IQUB: variants seen among roughly 807,000 people sequenced by gnomAD.
IQUB encodes the protein IQ motif and ubiquitin domain containing.
In IQUB, 86 loss-of-function variants were observed where a neutral mutation model predicts 86.4. The observed-to-expected ratio is 1.00, with a 90% CI of 0.84 to 1.19. The LOEUF is 1.19. IQUB is among the 50% of genes most tolerant of loss of function. The probability of loss-of-function intolerance (pLI) is 0.00; values close to 1 mark genes in which losing one functional copy is unlikely to be tolerated. For synonymous variants in IQUB, 289 were observed against 304.5 expected, an observed-to-expected ratio of 0.95 and a Z score of 0.53; for missense variants, 946 against 916.9, an observed-to-expected ratio of 1.03 and a Z score of -0.41.
In IQUB at chr7:123,464,930, T is replaced by A; in HGVS notation, c.1661A>T (p.His554Leu). Residue 554 changes from histidine to leucine, a missense_variant, in exon 10 of 13, where the codon CAT (histidine) becomes CTT (leucine). His to Leu is a moderately conservative substitution (Grantham distance 99). Coordinates refer to ENST00000324698, the MANE Select transcript of IQUB (RefSeq NM_178827.5). Reference sequence around the variant, plus strand: ...TTTTCTGAGTCCTTCAAGGTTATGATGTTTGACTCCTCTCATCATAAGGTC... The same window carrying A: ...TTTTCTGAGTCCTTCAAGGTTATGAAGTTTGACTCCTCTCATCATAAGGTC... ...EVDLMMRGVK[H>L]HNLEGLRKRI... The A allele has an allele frequency of 1.2e-6, 2 of 1,605,172 alleles. No homozygotes were observed. The highest frequency in any genetic ancestry group is 1.7e-6 in the Non-Finnish European group (2 of 1,175,152).
intron 1 of IQUB, among the ~76,000 whole-genome samples, chr7:123,526,600 G>T (rs956287785): frequency 1.3e-5 from 2 of 151,078 alleles, no homozygotes; most frequent in African/African-American, 4.9e-5. Flanking sequence ...GTCTCTGCAC[G>T]TGAGATGGGT....
At chr7:123,469,464 T>C (rs1432587921) in intron 8 of IQUB, 80 bp from the exon 9 acceptor site, 11 of 700,226 alleles carry the variant, frequency 1.6e-5, no homozygotes, top group Non-Finnish European at 2.2e-5. Flanking sequence ...ACTAAAAGTC[T>C]ACCTTAATAT....
chr7:123,479,874 A>T lies in IQUB; in HGVS notation c.1331T>A (p.Ile444Lys), dbSNP rs1794916287. 1.2e-6 allele frequency: 2 copies of T among 1,612,948 alleles called. No homozygotes were observed. The highest frequency in any genetic ancestry group is 1.7e-6 in the Non-Finnish European group (2 of 1,179,378). The change falls in exon 8 of 13, where the codon ATA becomes AAA. Residue 444 changes from isoleucine (I) to lysine (K), a missense_variant. Physicochemically the swap from Ile to Lys is moderately radical, Grantham distance 102. Coordinates refer to ENST00000324698, the MANE Select transcript of IQUB (RefSeq NM_178827.5). ...TCTATGTCTCCCAATGGAAGCAATT[A>T]TCTGAGTCTCTTTTTCCAGAAGTTC... is the stretch of plus-strand genomic sequence containing the variant. ...LCELLEKETQ[I>K]IASIGRHRYI...
rs375659410 is a variant in IQUB at position 123,468,545 on chromosome 7, T to C, written c.1581+669A>G. Among the ~76,000 whole-genome samples the C allele has an allele frequency of 1.7e-3, 70 of 41,236 alleles. 2 individuals are homozygous for C. The East Asian group carries it at 0.03, about 18-fold the overall frequency. 27.1% of individuals were successfully genotyped at this position (41,236 alleles called of 152,430 possible). Reference sequence around the variant, plus strand: ...CTTCTGGGGCAGCCCATCCAATACGTGGTCAAAATTGTCCTGGCCCCTTGC... The same window carrying C: ...CTTCTGGGGCAGCCCATCCAATACGCGGTCAAAATTGTCCTGGCCCCTTGC... On this transcript the variant is annotated intron_variant, in intron 9 of 12. Coordinates refer to ENST00000324698, the MANE Select transcript of IQUB (RefSeq NM_178827.5).
At chr7:123,455,298 C>T (rs1793640413) in intron 12 of IQUB, among the ~76,000 whole-genome samples, 1 of 152,072 alleles carries the variant, frequency 6.6e-6, no homozygotes, top group Non-Finnish European at 1.5e-5. Flanking sequence ...AGACAACCTA[C>T]AGTGCCACAG....
At chr7:123,522,234 T>C (rs1796938553) in intron 1 of IQUB, among the ~76,000 whole-genome samples, 1 of 152,180 alleles carries the variant, frequency 6.6e-6, no homozygotes, top group African/African-American at 2.4e-5. Flanking sequence ...CAAGCATCCA[T>C]GTAGACTCAC....
intron 5 of IQUB, 37 bp from the exon 6 acceptor site, chr7:123,502,789 C>A: frequency 1.4e-6 from 2 of 1,462,710 alleles, no homozygotes; most frequent in Non-Finnish European, 1.9e-6. Flanking sequence ...TCAGTATCCC[C>A]TATATATATA....
At chr7:123,463,882 C>T (rs545460190) in intron 10 of IQUB, among the ~76,000 whole-genome samples, 4 of 151,790 alleles carry the variant, frequency 2.6e-5, no homozygotes, top group African/African-American at 7.2e-5. Context: ...AAGAAGGTGG[C>T]TCAGACAAAT....
intron 8 of IQUB, among the ~76,000 whole-genome samples, chr7:123,474,691 G>A (rs1259478348): frequency 6.6e-6 from 1 of 152,192 alleles, no homozygotes; most frequent in Admixed American, 6.5e-5. Context: ...ATTAGGCTAT[G>A]TGCACTGACT....
In IQUB at chr7:123,496,792, T is replaced by C. The variant is rs1795725323; in HGVS notation, c.1138A>G (p.Ile380Val). The part of the protein sequence containing the change: ...EWETQQELRK[I>V]REKEEWIKLD... The stretch of plus-strand genomic sequence containing the variant: ...TTTATCCATTCTTCTTTTTCTCTTA[T>C]CTTCCTTAGTTCTTGCTGTGTTTCC... Residue 380 changes from isoleucine (I) to valine (V), a missense_variant, in exon 7 of 13, where the codon ATA becomes GTA. By Grantham distance (29) the Ile-to-Val change is conservative (BLOSUM62 3). Coordinates refer to ENST00000324698, the MANE Select transcript of IQUB (RefSeq NM_178827.5). 6.2e-7 allele frequency: 1 copy of C among 1,611,712 alleles called. No individual in the cohort carries two copies. The highest frequency in any genetic ancestry group is 8.5e-7 in the Non-Finnish European group (1 of 1,178,348).
chr7:123,511,183 T>C (rs974604694), intron 2 of IQUB, among the ~76,000 whole-genome samples: 1 of 152,148 alleles, frequency 6.6e-6, no homozygotes, highest in Non-Finnish European at 1.5e-5. Context: ...AGCTACATTT[T>C]ACCAGCCAAA....
Position 123,500,274 on chromosome 7 carries a change from C to T in IQUB, c.1023+2323G>A, listed in dbSNP as rs576688006. Among the ~76,000 whole-genome samples the T allele has an allele frequency of 1.9e-3, 289 of 152,186 alleles. 2 individuals are homozygous for T. The highest frequency in any genetic ancestry group is 6.6e-3 in the African/African-American group (275 of 41,508). ...AGTTCTTGTGGGAGATCCAAGAACC[C>T]TCTCTTGGGGTCTGGATCGGGACCA... On this transcript the variant is annotated intron_variant, in intron 6 of 12. Transcript: ENST00000324698.
intron 3 of IQUB, among the ~76,000 whole-genome samples, chr7:123,508,783 CTT>C (rs1041042977): frequency 2.6e-5 from 4 of 152,156 alleles, no homozygotes; most frequent in Non-Finnish European, 4.4e-5. Context: ...AGTTTTGTGA[CTT>C]TGCACAAGTT....
At chr7:123,466,831 C>A (rs1794285459) in intron 9 of IQUB, among the ~76,000 whole-genome samples, 1 of 152,128 alleles carries the variant, frequency 6.6e-6, no homozygotes, top group South Asian at 2.1e-4. Context: ...ATTACAATAT[C>A]TATGCCTATA....
In IQUB at chr7:123,452,783, G is replaced by GTGTC. The variant is rs749194566; in HGVS notation, c.2332_2335dup (p.Thr779ArgfsTer5). 16 of 1,613,502 alleles carry GTGTC rather than the reference G, an allele frequency of 9.9e-6. No homozygotes were observed. The East Asian group carries it at 3.1e-4, about 31-fold the overall frequency. ...CTGGGATTCTATAATCTTAGGTGTT[G>GTGTC]TGTCTGAGTGATACTTCCATCTGAT... is the stretch of plus-strand genomic sequence containing the variant. On this transcript the variant is annotated frameshift_variant, in exon 13 of 13. Coordinates refer to ENST00000324698, the MANE Select transcript of IQUB (RefSeq NM_178827.5). LOFTEE classifies it low-confidence loss of function (END_TRUNC).
intron 2 of IQUB, among the ~76,000 whole-genome samples, chr7:123,511,741 G>A (rs1004889755): frequency 1.3e-5 from 2 of 151,998 alleles, no homozygotes; most frequent in South Asian, 2.1e-4. Flanking sequence ...ATTCATTGAC[G>A]AAAAATAGAT....
In IQUB at chr7:123,512,112, G is replaced by A; in HGVS notation, c.229C>T (p.Gln77Ter). 1 of 1,614,012 alleles carries A rather than the reference G, an allele frequency of 6.2e-7. No individual in the cohort carries two copies. Among genetic ancestry groups the A allele is most frequent in the Non-Finnish European group, 8.5e-7 (1 of 1,179,958 alleles). ...SFSSLEPDNE[Q>*]LMEEVISPRQ... ...GGTGATATAACCTCTTCCATGAGTT[G>A]TTCATTGTCTGGTTCCAGGCTTGAA... The change falls in exon 2 of 13, where the codon CAA becomes TAA. Residue 77 changes from glutamine (Q) to a stop codon, truncating the protein, a stop_gained. Coordinates refer to ENST00000324698, the MANE Select transcript of IQUB (RefSeq NM_178827.5). LOFTEE classifies it high-confidence loss of function.
chr7:123,457,726 T>A, intron 11 of IQUB, among the ~76,000 whole-genome samples, 160 bp from the exon 12 acceptor site: 1 of 152,050 alleles, frequency 6.6e-6, no homozygotes, highest in Non-Finnish European at 1.5e-5. Context: ...AAACTTCTGT[T>A]CATTTTGCCT....
chr7:123,461,445 G>T lies in IQUB; in HGVS notation c.1919C>A (p.Ser640Ter). The change falls in exon 11 of 13, where the codon TCA (serine) becomes TAA (stop). Residue 640 changes from serine to a stop codon, truncating the protein, a stop_gained. Transcript: ENST00000324698. LOFTEE classifies it high-confidence loss of function. ...AAGTAAACATTTGTACTTCAAAAAT[G>T]ATTCTCGTTTTTGAGCCTCATTCTG... The part of the protein sequence containing the change: ...NLQNEAQKRE[S>*]FLKYKCLLQQ... The T allele has an allele frequency of 6.2e-7, 1 of 1,612,234 alleles. No homozygotes were observed. The highest frequency in any genetic ancestry group is 8.5e-7 in the Non-Finnish European group (1 of 1,178,790).
Sources: allele counts gnomAD v4.1 joint callset (sites outside exome capture counted in the v4.1 genomes callset), GRCh38; gene constraint gnomAD v4.1.1; transcripts MANE v1.5; gene names NCBI Gene and HGNC (gene_info 2026-07-23, HGNC 2026-07-21).